The following INVS variants were observed in gnomAD, a reference collection of about 807,000 sequenced individuals.
INVS encodes the protein inversin.
A neutral mutation model predicts 108.8 loss-of-function variants in INVS; 86 were observed. The observed-to-expected ratio is 0.79, with a 90% CI of 0.66 to 0.95. The LOEUF (loss-of-function observed/expected upper bound fraction) is 0.95, where lower values mean the gene tolerates loss of function less well. Ranked by LOEUF, INVS falls within the 40% of genes least tolerant of loss-of-function variation. INVS has a pLI of 0.00. For synonymous variants in INVS, 455 were observed against 473.5 expected (o/e 0.96, Z 0.51); for missense variants, 1,169 against 1,297.4 (o/e 0.90, Z 1.52).
chr9:100,109,204 C>A (rs998279762), intron 2 of INVS, among the ~76,000 whole-genome samples: 1 of 152,162 alleles, frequency 6.6e-6, no homozygotes, highest in African/African-American at 2.4e-5. Flanking sequence ...GTAGTAATAT[C>A]TTGGCTAAGC....
At chr9:100,285,884 G>A (rs186933282) in intron 13 of INVS, among the ~76,000 whole-genome samples, 42 of 152,300 alleles carry the variant, frequency 2.8e-4, no homozygotes, top group African/African-American at 7.9e-4. Context: ...TAAACACACT[G>A]AGCTACTCTT....
At chr9:100,141,358 A>AAC (rs1483333104) in intron 3 of INVS, among the ~76,000 whole-genome samples, 3 of 152,170 alleles carry the variant, frequency 2.0e-5, no homozygotes, top group Non-Finnish European at 4.4e-5. Context: ...GTGTTTTTAA[A>AAC]AGACCGTTAG....
At chr9:100,215,373 C>A (rs1229504539) in intron 3 of INVS, 1 of 152,224 alleles carries the variant, frequency 6.6e-6, no homozygotes, top group Non-Finnish European at 1.5e-5. Context: ...TATAATCCCC[C>A]ACTCCTTTTG....
At chr9:100,129,640 A>AT (rs1827996628) in intron 3 of INVS, 1 of 647,696 alleles carries the variant, frequency 1.5e-6, no homozygotes, top group Non-Finnish European at 2.9e-6. Context: ...AAAAATCTGT[A>AT]AAAACTGAAT....
intron 1 of INVS, among the ~76,000 whole-genome samples, chr9:100,103,681 C>G (rs1234324818): frequency 2.2e-5 from 1 of 45,616 alleles, no homozygotes; most frequent in African/African-American, 8.5e-5. Flanking sequence ...AAAGGAGAGG[C>G]GAGGGGAGGG....
chr9:100,184,680 T>C (rs1830003917), intron 3 of INVS, among the ~76,000 whole-genome samples: 1 of 152,118 alleles, frequency 6.6e-6, no homozygotes, highest in Non-Finnish European at 1.5e-5. Context: ...TAGAATAATA[T>C]GACTTCGTAT....
chr9:100,133,431 T>G (rs1289041199), intron 3 of INVS, among the ~76,000 whole-genome samples: 2 of 152,134 alleles, frequency 1.3e-5, no homozygotes, highest in Non-Finnish European at 2.9e-5. Context: ...GGTATTATAC[T>G]GTGTGACATT....
intron 3 of INVS, among the ~76,000 whole-genome samples, chr9:100,200,916 C>T (rs1830513166): frequency 6.6e-6 from 1 of 152,224 alleles, no homozygotes; most frequent in South Asian, 2.1e-4. Context: ...TCTTTCCCCT[C>T]TTTAAACCAT....
intron 3 of INVS, among the ~76,000 whole-genome samples, chr9:100,202,879 T>C (rs550172711): frequency 4.6e-5 from 7 of 152,354 alleles, no homozygotes; most frequent in African/African-American, 1.7e-4. Context: ...CTTGGAAGCT[T>C]TGAGCTTTAC....
intron 8 of INVS, among the ~76,000 whole-genome samples, chr9:100,247,496 C>A (rs995145379): frequency 6.6e-6 from 1 of 152,152 alleles, no homozygotes; most frequent in Non-Finnish European, 1.5e-5. Context: ...CATACCACCA[C>A]AATAACACTG....
intron 3 of INVS, chr9:100,215,122 A>G (rs993279682): frequency 1.3e-5 from 2 of 152,234 alleles, no homozygotes; most frequent in African/African-American, 4.8e-5. Flanking sequence ...TGACTCAGTG[A>G]GCAGGGCACT....
At chr9:100,180,936 C>G (rs1218540845) in intron 3 of INVS, among the ~76,000 whole-genome samples, 1 of 152,182 alleles carries the variant, frequency 6.6e-6, no homozygotes. Context: ...CCACCATGAT[C>G]AAGTCAGCTT....
intron 11 of INVS, 122 bp downstream of exon 11, chr9:100,265,050 C>A: frequency 2.8e-6 from 2 of 709,676 alleles, no homozygotes; most frequent in South Asian, 3.0e-5. Flanking sequence ...TCAAGCAATT[C>A]TTCTCCTTCA....
rs1564193877 is a variant in INVS at position 100,292,984 on chromosome 9, GAAGGAGCTGTTTCGCAAAAAGAACA to G, written c.2729_2753del (p.Lys910ArgfsTer25). On this transcript the variant is annotated frameshift_variant, in exon 14 of 17. Transcript: ENST00000262457. LOFTEE classifies it high-confidence loss of function. ...AGATAATTCAGAGAGAACGAAGGAG[GAAGGAGCTGTTTCGCAAAAAGAACA>G]AGGCAGCAGCAGTCATCCAGCGCGC... 5 of 1,613,868 alleles carry G rather than the reference GAAGGAGCTGTTTCGCAAAAAGAACA, an allele frequency of 3.1e-6. No individual in the cohort carries two copies. Among genetic ancestry groups the G allele is most frequent in the Non-Finnish European group, 4.2e-6 (5 of 1,179,750 alleles).
chr9:100,107,719 T>C (rs965594841), intron 2 of INVS, among the ~76,000 whole-genome samples: 2 of 152,188 alleles, frequency 1.3e-5, no homozygotes, highest in African/African-American at 2.4e-5. Context: ...CCCTCTGTAG[T>C]TTTTCTTCAT....
chr9:100,196,895 T>C (rs1012538559), intron 3 of INVS, among the ~76,000 whole-genome samples: 1 of 152,080 alleles, frequency 6.6e-6, no homozygotes, highest in African/African-American at 2.4e-5. Context: ...TGGGTTTTTT[T>C]CTGCTCTCTC....
At chr9:100,234,288 A>G (rs1001506874) in intron 5 of INVS, among the ~76,000 whole-genome samples, 3 of 151,936 alleles carry the variant, frequency 2.0e-5, no homozygotes, top group Non-Finnish European at 4.4e-5. Flanking sequence ...CTAGTGGTCT[A>G]TTTTGTTAGT....
At chr9:100,257,832 C>T (rs933384289) in intron 10 of INVS, among the ~76,000 whole-genome samples, 1 of 152,172 alleles carries the variant, frequency 6.6e-6, no homozygotes, top group African/African-American at 2.4e-5. Context: ...TCTCTGGCTG[C>T]CCTTAACATT....
chr9:100,198,846 C>T (rs941126691), intron 3 of INVS, among the ~76,000 whole-genome samples: 3 of 152,128 alleles, frequency 2.0e-5, no homozygotes, highest in Non-Finnish European at 2.9e-5. Context: ...CTGCCTCAGC[C>T]TCCCAAAGTG....
Sources: allele counts gnomAD v4.1 joint callset (sites outside exome capture counted in the v4.1 genomes callset), GRCh38; gene constraint gnomAD v4.1.1; transcripts MANE v1.5; gene names NCBI Gene and HGNC (gene_info 2026-07-23, HGNC 2026-07-21).